Variants in GALNT9 observed in about 807,000 individuals in gnomAD.
The protein encoded by GALNT9 is polypeptide N-acetylgalactosaminyltransferase 9.
GALNT9 carries 47 observed loss-of-function variants against 63.1 expected under a neutral mutation model. The observed-to-expected ratio is 0.75, with a 90% confidence interval of 0.59 to 0.95. The LOEUF is 0.95. Among genes scored for constraint, GALNT9 ranks in the 40% least tolerant of loss-of-function variants. The probability of loss-of-function intolerance (pLI) is 0.00; values close to 1 mark genes in which losing one functional copy is unlikely to be tolerated. For synonymous variants in GALNT9, 396 were observed against 365.7 expected (o/e 1.08, Z -0.94); for missense variants, 829 against 874.8 (o/e 0.95, Z 0.66).
intron 1 of GALNT9, among the ~76,000 whole-genome samples, chr12:132,299,887 C>T (rs1282867182): frequency 1.1e-4 from 15 of 134,962 alleles, no homozygotes; most frequent in East Asian, 2.4e-4. Context: ...ATAACTAACC[C>T]ACTCCCACCA....
chr12:132,244,106 C>T (rs1175138651), intron 6 of GALNT9, among the ~76,000 whole-genome samples: 4 of 149,154 alleles, frequency 2.7e-5, no homozygotes, highest in Non-Finnish European at 4.4e-5. Flanking sequence ...ACTCGGACCA[C>T]GGTGCAGCTT....
At chr12:132,210,290 C>T (rs1012560503) in intron 6 of GALNT9, among the ~76,000 whole-genome samples, 2 of 152,230 alleles carry the variant, frequency 1.3e-5, no homozygotes, top group Non-Finnish European at 1.5e-5. Context: ...TCTTTGGCGG[C>T]GCTGTGGGCC....
intron 1 of GALNT9, among the ~76,000 whole-genome samples, chr12:132,325,201 C>A (rs543494691): frequency 6.6e-6 from 1 of 152,382 alleles, no homozygotes; most frequent in Admixed American, 6.5e-5. Context: ...CAGTCACCTT[C>A]TACTCACGGG....
At chr12:132,204,977 A>C (rs1427825200) in intron 6 of GALNT9, among the ~76,000 whole-genome samples, 1 of 151,914 alleles carries the variant, frequency 6.6e-6, no homozygotes, top group African/African-American at 2.4e-5. Flanking sequence ...CAGCCCTGGC[A>C]TTGCCCCGTT....
At chr12:132,240,060 T>C (rs1878185585) in intron 6 of GALNT9, among the ~76,000 whole-genome samples, 1 of 152,188 alleles carries the variant, frequency 6.6e-6, no homozygotes. Flanking sequence ...CCACAGTCCT[T>C]GGGCAGTTTA....
At chr12:132,312,362 T>C (rs797027651) in intron 1 of GALNT9, among the ~76,000 whole-genome samples, 2 of 152,350 alleles carry the variant, frequency 1.3e-5, no homozygotes, top group African/African-American at 4.8e-5. Flanking sequence ...CATGCAGGGC[T>C]CTGGAACAAC....
chr12:132,311,318 G>C (rs370360488), intron 1 of GALNT9, among the ~76,000 whole-genome samples: 1 of 152,162 alleles, frequency 6.6e-6, no homozygotes, highest in African/African-American at 2.4e-5. Context: ...TGAAGCACTG[G>C]GGGACCTGCC....
At chr12:132,267,800 C>CAGACACACAT (rs138324682) in intron 2 of GALNT9, among the ~76,000 whole-genome samples, 2 of 140,020 alleles carry the variant, frequency 1.4e-5, no homozygotes, top group African/African-American at 6.1e-5. Flanking sequence ...CGCACTCACA[C>CAGACACACAT]GCACTCACAC....
intron 7 of GALNT9, among the ~76,000 whole-genome samples, chr12:132,202,332 G>A (rs76673474): frequency 0.036 from 5,533 of 152,212 alleles, 327 homozygotes; most frequent in African/African-American, 0.12. Flanking sequence ...TAGGAGCACC[G>A]GGTACCCTCT....
intron 1 of GALNT9, among the ~76,000 whole-genome samples, chr12:132,297,666 CATAACCAACTCACTCCTGAG>C (rs1410621274): frequency 6.7e-6 from 1 of 149,926 alleles, no homozygotes; most frequent in Non-Finnish European, 1.5e-5. Context: ...CCATTCCCAC[CATAACCAACTCACTCCTGAG>C]ATAACCAACT....
In GALNT9 at chr12:132,286,115, C is replaced by A; in HGVS notation, c.419+135G>T. The A allele has an allele frequency of 9.0e-7, 1 of 1,111,846 alleles. No individual in the cohort carries two copies. Among genetic ancestry groups the A allele is most frequent in the Non-Finnish European group, 1.2e-6 (1 of 819,312 alleles). The allele number at this position is 1,111,846 out of a possible 1,614,324, so 68.9% of individuals were successfully genotyped here. On this transcript the variant is annotated intron_variant, in intron 2 of 10. Transcript: ENST00000328957. The surrounding 1 kb of genome is among the most constrained non-coding windows in gnomAD (Gnocchi z 7.4). The stretch of plus-strand genomic sequence containing the variant: ...TCACTTCCCCGGCGGGCGTGGGGGG[C>A]GGTCACTTCCCTGGCGGGCGTGGGG...
intron 6 of GALNT9, among the ~76,000 whole-genome samples, chr12:132,222,517 C>T (rs1310543851): frequency 6.6e-6 from 1 of 152,082 alleles, no homozygotes; most frequent in Non-Finnish European, 1.5e-5. Context: ...GTCACACACG[C>T]AGTTTCTGCC....
chr12:132,197,178 G>A lies in GALNT9; in HGVS notation c.1741C>T (p.Arg581Trp), dbSNP rs766718113. The A allele has an allele frequency of 2.7e-5, 43 of 1,613,986 alleles. No individual in the cohort carries two copies. Among genetic ancestry groups the A allele is most frequent in the East Asian group, 8.9e-5 (4 of 44,894 alleles). Reference sequence around the variant, plus strand: ...CCCGAGCACCTCTGTACCACCAGCCGGAGCCCAAAGTTGGCATCTTTGGAC... The same window carrying A: ...CCCGAGCACCTCTGTACCACCAGCCAGAGCCCAAAGTTGGCATCTTTGGAC... ...EMSKDANFGLRLVVQRCSGQK... is the reference protein window; with the variant it reads ...EMSKDANFGLWLVVQRCSGQK... The change falls in exon 11 of 11, where the codon CGG (arginine) becomes TGG (tryptophan). Residue 581 changes from arginine to tryptophan, a missense_variant. Physicochemically the swap from Arg to Trp is moderately radical, Grantham distance 101. Transcript: ENST00000328957.
chr12:132,304,086 G>C (rs187192186), intron 1 of GALNT9, among the ~76,000 whole-genome samples: 11 of 11,732 alleles, frequency 9.4e-4, no homozygotes, highest in African/African-American at 1.5e-3. Context: ...CAGCCTCACC[G>C]GGGCACACCC....
At chr12:132,281,147 C>T (rs1880325900) in intron 2 of GALNT9, among the ~76,000 whole-genome samples, 2 of 152,260 alleles carry the variant, frequency 1.3e-5, no homozygotes, top group African/African-American at 4.8e-5. Context: ...GGTCTCTCCA[C>T]CCAAGCTCCT....
At chr12:132,239,397 AAG>A (rs1265406448) in intron 6 of GALNT9, among the ~76,000 whole-genome samples, 2 of 136,178 alleles carry the variant, frequency 1.5e-5, no homozygotes, top group East Asian at 2.3e-4. Context: ...CAGAGACAGA[AAG>A]AGAGACACAC....
chr12:132,199,362 G>A (rs1268331787), intron 8 of GALNT9, 93 bp from the exon 9 acceptor site: 9 of 893,246 alleles, frequency 1.0e-5, no homozygotes, highest in Non-Finnish European at 3.6e-6. Context: ...CAGCACCTAA[G>A]GAGGTGCCCG....
chr12:132,317,911 G>A (rs1032739214), intron 1 of GALNT9, among the ~76,000 whole-genome samples: 1 of 152,174 alleles, frequency 6.6e-6, no homozygotes, highest in Admixed American at 6.5e-5. Flanking sequence ...CGAGGATGGC[G>A]TTTCAAAGAA....
At chr12:132,323,954 T>G (rs1167432616) in intron 1 of GALNT9, among the ~76,000 whole-genome samples, 3 of 152,066 alleles carry the variant, frequency 2.0e-5, no homozygotes, top group Admixed American at 6.5e-5. Context: ...TCCGGCTGTT[T>G]GGATCAGCAA....
Sources: gnomAD v4.1 joint callset for allele counts (sites outside exome capture counted in the v4.1 genomes callset) on GRCh38, gnomAD v4.1.1 for gene constraint, Gnocchi (gnomAD v3.1) non-coding constraint, MANE v1.5 for transcripts, NCBI Gene and HGNC (gene_info 2026-07-23, HGNC 2026-07-21) for gene names.